STARD13: variants seen among roughly 807,000 people sequenced by gnomAD.
STARD13 encodes StAR related lipid transfer domain containing 13, also known as stAR-related lipid transfer protein 13.
STARD13 carries 62 observed loss-of-function variants against 106.4 expected under a neutral mutation model. The ratio of observed to expected loss-of-function variants is 0.58; its 90% CI spans 0.48 to 0.72. The LOEUF (loss-of-function observed/expected upper bound fraction) is 0.72, where lower values mean the gene tolerates loss of function less well. Among genes scored for constraint, STARD13 ranks in the 30% least tolerant of loss-of-function variants. STARD13 has a pLI of 0.00. For missense variants in STARD13, 1,387 were observed against 1,424.0 expected (o/e 0.97, Z 0.42); for synonymous variants, 565 against 553.0 (o/e 1.02, Z -0.31).
the STARD13 span, among the ~76,000 whole-genome samples, chr13:33,427,955 C>CAAA: frequency 5.0e-5 from 5 of 100,930 alleles, no homozygotes; most frequent in Admixed American, 1.0e-4. Flanking sequence ...AACTCCGTCT[C>CAAA]AAAAAAAAAA....
the STARD13 span, among the ~76,000 whole-genome samples, chr13:33,397,938 C>T: frequency 2.9e-4 from 44 of 152,300 alleles, 1 homozygote; most frequent in East Asian, 9.6e-4. Context: ...GAGCTAAACA[C>T]GACCCAAAGG....
the STARD13 span, among the ~76,000 whole-genome samples, chr13:33,371,282 G>T: frequency 6.6e-6 from 1 of 152,026 alleles, no homozygotes; most frequent in African/African-American, 2.4e-5. Context: ...TGTCCTTTCT[G>T]AAAAACCACT....
At chr13:33,420,455 A>T in the STARD13 span, among the ~76,000 whole-genome samples, 1 of 152,230 alleles carries the variant, frequency 6.6e-6, no homozygotes, top group Non-Finnish European at 1.5e-5. Flanking sequence ...TTTATAAAGC[A>T]AGTCCTTAGA....
chr13:33,141,216 T>C (rs1879782499), intron 4 of STARD13, among the ~76,000 whole-genome samples: 1 of 152,216 alleles, frequency 6.6e-6, no homozygotes, highest in South Asian at 2.1e-4. Flanking sequence ...AAAGAGAGGC[T>C]GTACAGCACT....
At chr13:33,446,616 AT>A in the STARD13 span, among the ~76,000 whole-genome samples, 1 of 152,280 alleles carries the variant, frequency 6.6e-6, no homozygotes, top group Admixed American at 6.5e-5. Context: ...ACTGAAAAAT[AT>A]TTCAGTTTCA....
chr13:33,303,464 C>G (rs139969625), intron 1 of STARD13, among the ~76,000 whole-genome samples: 4,046 of 152,214 alleles, frequency 0.027, 94 homozygotes, highest in Middle Eastern at 0.045. Flanking sequence ...TCCTCATCTG[C>G]AAAATAAATG....
the STARD13 span, among the ~76,000 whole-genome samples, chr13:33,667,308 C>T: frequency 1.3e-5 from 2 of 152,146 alleles, no homozygotes; most frequent in African/African-American, 2.4e-5. Context: ...TGCTGCTGTA[C>T]CTGTTGGAAG....
the STARD13 span, among the ~76,000 whole-genome samples, chr13:33,568,044 TTTAAA>T: frequency 6.7e-6 from 1 of 148,172 alleles, no homozygotes; most frequent in Non-Finnish European, 1.5e-5. Flanking sequence ...TTTTCTATTG[TTTAAA>T]TTAATAGTCA....
At chr13:33,325,358 AC>A (rs1408134318) in intron 1 of STARD13, among the ~76,000 whole-genome samples, 1 of 152,226 alleles carries the variant, frequency 6.6e-6, no homozygotes, top group Non-Finnish European at 1.5e-5. Flanking sequence ...CCTGTTATCA[AC>A]CAACAGTTCT....
the STARD13 span, among the ~76,000 whole-genome samples, chr13:33,561,190 G>A: frequency 6.6e-6 from 1 of 151,272 alleles, no homozygotes; most frequent in African/African-American, 2.5e-5. Context: ...CTAACAGATA[G>A]ATGTTAGCCT....
intron 1 of STARD13, among the ~76,000 whole-genome samples, chr13:33,241,534 T>C (rs1889494275): frequency 6.6e-6 from 1 of 151,280 alleles, no homozygotes; most frequent in Non-Finnish European, 1.5e-5. Context: ...TTAAAAAGTA[T>C]GCCCCTCCCC....
intron 1 of STARD13, among the ~76,000 whole-genome samples, chr13:33,326,066 T>A (rs1304760259): frequency 6.9e-6 from 1 of 145,316 alleles, no homozygotes; most frequent in Non-Finnish European, 1.5e-5. Context: ...CGTGCAGAGG[T>A]GATTTATCCC....
intron 1 of STARD13, chr13:33,349,273 G>A (rs1594293492): frequency 1.4e-6 from 1 of 700,828 alleles, no homozygotes; most frequent in East Asian, 2.7e-5. Flanking sequence ...TCACCTCAGG[G>A]GCCCTTCCAA....
chr13:33,424,888 G>A, the STARD13 span, among the ~76,000 whole-genome samples: 2 of 152,114 alleles, frequency 1.3e-5, no homozygotes, highest in African/African-American at 4.8e-5. Flanking sequence ...TGACAAGCTG[G>A]CCTTTGGTAA....
the STARD13 span, among the ~76,000 whole-genome samples, chr13:33,597,929 A>G: frequency 6.6e-6 from 1 of 152,142 alleles, no homozygotes; most frequent in Non-Finnish European, 1.5e-5. Context: ...ATAAATGTTG[A>G]TGGCTATTAT....
At chr13:33,447,986 T>C in the STARD13 span, among the ~76,000 whole-genome samples, 1 of 152,204 alleles carries the variant, frequency 6.6e-6, no homozygotes, top group Admixed American at 6.5e-5. Flanking sequence ...AGGTTATGTA[T>C]GCTGTTGAAA....
At chr13:33,521,935 G>C in the STARD13 span, among the ~76,000 whole-genome samples, 2 of 152,080 alleles carry the variant, frequency 1.3e-5, no homozygotes, top group African/African-American at 2.4e-5. Flanking sequence ...ATTCCCTTAA[G>C]AGGCAATAGA....
chr13:33,430,996 A>C, the STARD13 span, among the ~76,000 whole-genome samples: 1 of 152,224 alleles, frequency 6.6e-6, no homozygotes, highest in Non-Finnish European at 1.5e-5. Flanking sequence ...AAAACCTACT[A>C]TTCTAGATTA....
intron 1 of STARD13, among the ~76,000 whole-genome samples, chr13:33,200,333 G>A (rs1594095530): frequency 6.6e-6 from 1 of 152,196 alleles, no homozygotes; most frequent in Admixed American, 6.5e-5. Flanking sequence ...ATTCGTCCCT[G>A]TGCCACCCAC....
Sources: gnomAD v4.1 joint callset for allele counts (sites outside exome capture counted in the v4.1 genomes callset) on GRCh38, gnomAD v4.1.1 for gene constraint, MANE v1.5 for transcripts, NCBI Gene and HGNC (gene_info 2026-07-23, HGNC 2026-07-21) for gene names.